RAP1GAP: variants seen among roughly 807,000 people sequenced by gnomAD.
RAP1GAP encodes the protein rap1 GTPase-activating protein 1.
Under a neutral mutation model 87.2 loss-of-function variants are expected in RAP1GAP, and 35 were observed. The ratio of observed to expected loss-of-function variants is 0.40; its 90% CI spans 0.31 to 0.53. The LOEUF is 0.53. RAP1GAP is among the 20% of genes least tolerant of loss of function. The probability of loss-of-function intolerance (pLI) is 0.48; values close to 1 mark genes in which losing one functional copy is unlikely to be tolerated. For missense variants in RAP1GAP, 734 were observed against 898.9 expected, an observed-to-expected ratio of 0.82 and a Z score of 2.35; for synonymous variants, 375 against 363.9, an observed-to-expected ratio of 1.03 and a Z score of -0.35.
chr1:21,606,776 A>G (rs890567126), intron 17 of RAP1GAP, among the ~76,000 whole-genome samples: 3 of 152,256 alleles, frequency 2.0e-5, no homozygotes, highest in Admixed American at 1.3e-4. Flanking sequence ...GGGACTAGCA[A>G]TCATGCCCAT....
Position 21,639,983 on chromosome 1 carries a change from C to T in RAP1GAP, c.-113+9778G>A, listed in dbSNP as rs953178889. 1.6e-4 allele frequency among the ~76,000 whole-genome samples: 25 copies of T among 152,178 alleles called. 1 individual carries two copies. Among genetic ancestry groups the T allele is most frequent in the Non-Finnish European group, 2.9e-5 (2 of 68,022 alleles). Reference sequence around the variant, plus strand: ...TGCCTAGAAGGCCCCAATGGCTTCCCGCCGCAAGCAGGATCCAGACGCCCG... The same window carrying T: ...TGCCTAGAAGGCCCCAATGGCTTCCTGCCGCAAGCAGGATCCAGACGCCCG... On this transcript the variant is annotated intron_variant, in intron 2 of 24. Coordinates refer to ENST00000374765, the MANE Select transcript of RAP1GAP (RefSeq NM_002885.4).
At chr1:21,647,992 C>A (rs553076083) in intron 2 of RAP1GAP, among the ~76,000 whole-genome samples, 1 of 152,154 alleles carries the variant, frequency 6.6e-6, no homozygotes, top group African/African-American at 2.4e-5. Context: ...CCCTTGAATG[C>A]CAGGAGATCA....
intron 18 of RAP1GAP, among the ~76,000 whole-genome samples, chr1:21,605,160 AG>A (rs1276398053): frequency 3.3e-5 from 5 of 152,124 alleles, no homozygotes; most frequent in Non-Finnish European, 7.4e-5. Context: ...CCACAGCCAT[AG>A]GCCGTATTCA....
At chr1:21,626,793 G>GGGGCTACCA (rs954544268) in intron 2 of RAP1GAP, 1 of 426,556 alleles carries the variant, frequency 2.3e-6, no homozygotes, top group African/African-American at 2.0e-5. Flanking sequence ...TTGGCATTGA[G>GGGGCTACCA]GGGCTACCAG....
chr1:21,649,626 AC>A, intron 2 of RAP1GAP, 134 bp downstream of exon 2: 1 of 1,033,002 alleles, frequency 9.7e-7, no homozygotes, highest in Non-Finnish European at 1.4e-6. Context: ...GGGTCTGCCC[AC>A]CCCCTTGCCC....
intron 14 of RAP1GAP, 45 bp downstream of exon 14, chr1:21,610,075 C>A: frequency 6.2e-7 from 1 of 1,602,398 alleles, no homozygotes. Context: ...AGAGCTGCAG[C>A]CAGGGCCCTT....
chr1:21,620,061 G>GA lies in RAP1GAP; in HGVS notation c.-18-12dup, dbSNP rs760465776. On this transcript the variant is annotated splice_polypyrimidine_tract_variant and intron_variant, in intron 3 of 24. Coordinates refer to ENST00000374765, the MANE Select transcript of RAP1GAP (RefSeq NM_002885.4). ...AAATAGATCTGTGTTCTGCAACAGA[G>GA]ACAGGGGAGAGCGAGGTCAGCTGAT... 4.3e-6 allele frequency: 7 copies of GA among 1,613,816 alleles called. No individual in the cohort carries two copies. In the East Asian group the frequency reaches 1.6e-4, roughly 36 times the overall value.
rs1434790267 is a variant in RAP1GAP at position 21,598,481 on chromosome 1, T to C, written c.1798A>G (p.Thr600Ala). ...ATGAAGGAGTCCCGCTTGTGGGGTG[T>C]TCCTGAGGATGACACGCTCTCCTGG... Reference protein sequence around the residue: ...TGLESVSSSGTPHKRDSFIYS... With the variant: ...TGLESVSSSGAPHKRDSFIYS... Residue 600 changes from threonine (T) to alanine (A), a missense_variant, in exon 22 of 25, where the codon ACA (threonine) becomes GCA (alanine). This residue lies in a region of RAP1GAP where 249 missense variants were observed against 252.7 expected (regional missense o/e 0.99). Transcript: ENST00000374765. The C allele has an allele frequency of 3.1e-6, 5 of 1,612,890 alleles. No individual in the cohort carries two copies. The highest frequency in any genetic ancestry group is 4.2e-6 in the Non-Finnish European group (5 of 1,179,522).
chr1:21,652,399 A>C, intron 1 of RAP1GAP, among the ~76,000 whole-genome samples: 1 of 152,086 alleles, frequency 6.6e-6, no homozygotes, highest in Middle Eastern at 3.2e-3. Flanking sequence ...CGTACAGCAG[A>C]TGCTTAATAA....
chr1:21,644,563 C>T (rs1558849222), intron 2 of RAP1GAP, among the ~76,000 whole-genome samples: 2 of 152,166 alleles, frequency 1.3e-5, no homozygotes, highest in South Asian at 2.1e-4. Flanking sequence ...GCTCAGCTCT[C>T]GGCAAGGACC....
intron 7 of RAP1GAP, among the ~76,000 whole-genome samples, chr1:21,616,388 A>G (rs1332682386): frequency 6.6e-6 from 1 of 152,220 alleles, no homozygotes; most frequent in African/African-American, 2.4e-5. Context: ...AGCTAACATT[A>G]ACTGAGTATT....
At chr1:21,598,969 AG>A (rs903477795) in intron 21 of RAP1GAP, among the ~76,000 whole-genome samples, 2 of 152,258 alleles carry the variant, frequency 1.3e-5, no homozygotes, top group African/African-American at 2.4e-5. Flanking sequence ...AGAATGATAA[AG>A]GGTGTTCCGG....
chr1:21,651,447 G>A (rs756760746), intron 1 of RAP1GAP: 42 of 581,588 alleles, frequency 7.2e-5, no homozygotes, highest in South Asian at 5.8e-4. Context: ...CGCACACACA[G>A]GCGGAGTAGC....
intron 1 of RAP1GAP, chr1:21,651,757 C>G (rs2096589077): frequency 6.9e-7 from 1 of 1,457,574 alleles, no homozygotes; most frequent in African/African-American, 1.5e-5. Flanking sequence ...CGCGCCCCGC[C>G]CCGCGCCGCG....
In RAP1GAP at chr1:21,626,415, T is replaced by A. The variant is rs541674392; in HGVS notation, c.-112-18A>T. 2 of 1,597,338 alleles carry A rather than the reference T, an allele frequency of 1.3e-6. No individual in the cohort carries two copies. The highest frequency in any genetic ancestry group is 1.3e-5 in the African/African-American group (1 of 74,610). ...CGCTCCTCCTGGAAGAGAAAGAGTC[T>A]GAGGTCAGGGAGAGCCCCAAGCCAG... On this transcript the variant is annotated intron_variant, in intron 2 of 24. Coordinates refer to ENST00000374765, the MANE Select transcript of RAP1GAP (RefSeq NM_002885.4).
rs778663792 is a variant in RAP1GAP, at chr1:21,609,961, G to A, written c.999+159C>T. Among the ~76,000 whole-genome samples, 2 of 152,130 alleles carry A rather than the reference G, an allele frequency of 1.3e-5. No individual in the cohort carries two copies. Among genetic ancestry groups the A allele is most frequent in the Non-Finnish European group, 2.9e-5 (2 of 68,028 alleles). ...TCCTCTCTGAGGGGGTGAGCTTTGGGGACGACAGGGGGCGTGGTGTGAACA... is the reference window on the plus strand; with the variant it reads ...TCCTCTCTGAGGGGGTGAGCTTTGGAGACGACAGGGGGCGTGGTGTGAACA... On this transcript the variant is annotated intron_variant, in intron 14 of 24. Coordinates refer to ENST00000374765, the MANE Select transcript of RAP1GAP (RefSeq NM_002885.4). The surrounding 1 kb of genome is among the most constrained non-coding windows in gnomAD (Gnocchi z 4.4).
chr1:21,598,073 G>T lies in RAP1GAP; in HGVS notation c.1880-9C>A, dbSNP rs1020631693. The T allele has an allele frequency of 2.0e-6, 3 of 1,491,324 alleles. No homozygotes were observed. Among genetic ancestry groups the T allele is most frequent in the South Asian group, 2.5e-5 (2 of 79,470 alleles). The allele number at this position is 1,491,324 out of a possible 1,614,324, so 92.4% of individuals were successfully genotyped here. On this transcript the variant is annotated splice_polypyrimidine_tract_variant and intron_variant, in intron 22 of 24. Transcript: ENST00000374765. ...GGGTGATCGAGAGGGGCCTGGGGAGGGGGGCAGGAGGGAGCCACCTCACTG... is the reference window on the plus strand; with the variant it reads ...GGGTGATCGAGAGGGGCCTGGGGAGTGGGGCAGGAGGGAGCCACCTCACTG...
At chr1:21,659,329 C>A (rs1204910462) in intron 1 of RAP1GAP, among the ~76,000 whole-genome samples, 1 of 152,220 alleles carries the variant, frequency 6.6e-6, no homozygotes, top group Non-Finnish European at 1.5e-5. Context: ...CCAGGGACAG[C>A]GCCCCGGGAG....
chr1:21,661,429 G>A (rs1055080204), intron 1 of RAP1GAP, among the ~76,000 whole-genome samples: 2 of 152,238 alleles, frequency 1.3e-5, no homozygotes, highest in Non-Finnish European at 1.5e-5. Flanking sequence ...GATGGCCTAC[G>A]TTGACTATGA....
Sources: gnomAD v4.1 joint callset for allele counts (sites outside exome capture counted in the v4.1 genomes callset) on GRCh38, gnomAD v4.1.1 for gene constraint, gnomAD v4.1.1 regional missense constraint, Gnocchi (gnomAD v3.1) non-coding constraint, MANE v1.5 for transcripts, NCBI Gene and HGNC (gene_info 2026-07-23, HGNC 2026-07-21) for gene names.